Variants in EHBP1 observed in about 807,000 individuals in gnomAD.
EHBP1 encodes the protein EH domain binding protein 1.
In EHBP1, 55 loss-of-function variants were observed where a neutral mutation model predicts 144.0. That is an observed-to-expected ratio of 0.38 (90% CI 0.31 to 0.48). The LOEUF is 0.48. Among genes scored for constraint, EHBP1 ranks in the 20% least tolerant of loss-of-function variants. EHBP1 has a pLI of 0.98. For missense variants in EHBP1, 1,200 were observed against 1,364.2 expected (o/e 0.88, Z 1.90); for synonymous variants, 469 against 472.7 (o/e 0.99, Z 0.10).
intron 5 of EHBP1, among the ~76,000 whole-genome samples, chr2:62,794,351 A>C (rs1443024486): frequency 6.6e-6 from 1 of 152,080 alleles, no homozygotes; most frequent in Non-Finnish European, 1.5e-5. Context: ...TAGCTTGATA[A>C]ATAGTTTTAT....
chr2:62,953,892 C>A (rs1343031511), intron 13 of EHBP1, among the ~76,000 whole-genome samples: 1 of 151,968 alleles, frequency 6.6e-6, no homozygotes, highest in African/African-American at 2.4e-5. Flanking sequence ...GTTGGAATTA[C>A]CAAAAGACTA....
intron 2 of EHBP1, among the ~76,000 whole-genome samples, chr2:62,721,140 T>G (rs137932950): frequency 1.3e-5 from 2 of 152,314 alleles, no homozygotes; most frequent in African/African-American, 4.8e-5. Flanking sequence ...CTGTAATAGT[T>G]TTTAGTCTTT....
chr2:62,876,516 C>T (rs2152853304), intron 10 of EHBP1, among the ~76,000 whole-genome samples: 1 of 152,254 alleles, frequency 6.6e-6, no homozygotes, highest in Middle Eastern at 3.4e-3. Flanking sequence ...TTATTGGCCA[C>T]CACAAAAACA....
chr2:63,026,294 TTGTGTGTGTGTGTGTGTGTG>T (rs60109170), intron 19 of EHBP1, among the ~76,000 whole-genome samples: 12 of 129,102 alleles, frequency 9.3e-5, no homozygotes, highest in African/African-American at 2.9e-4. Context: ...GCTCTCTACC[TTGTGTGTGTGTGTGTGTGTG>T]TGTGTGTGTG....
At chr2:62,738,119 C>G (rs951622671) in intron 2 of EHBP1, among the ~76,000 whole-genome samples, 3 of 151,946 alleles carry the variant, frequency 2.0e-5, no homozygotes, top group Non-Finnish European at 2.9e-5. Context: ...TTTTATTGTT[C>G]AGCAACATAC....
At chr2:62,787,109 TG>T (rs1194957636) in intron 5 of EHBP1, among the ~76,000 whole-genome samples, 1 of 152,212 alleles carries the variant, frequency 6.6e-6, no homozygotes, top group African/African-American at 2.4e-5. Flanking sequence ...TCTTTAAGTA[TG>T]TGCACTATTA....
chr2:62,775,831 T>C (rs2042018362), intron 5 of EHBP1, among the ~76,000 whole-genome samples: 1 of 152,186 alleles, frequency 6.6e-6, no homozygotes, highest in African/African-American at 2.4e-5. Flanking sequence ...GTTATATAGC[T>C]AACAGGTTGG....
intron 7 of EHBP1, among the ~76,000 whole-genome samples, chr2:62,853,243 G>A (rs1363042310): frequency 6.6e-6 from 1 of 152,110 alleles, no homozygotes; most frequent in African/African-American, 2.4e-5. Flanking sequence ...TGATTTCCCA[G>A]TATATATAAA....
intron 10 of EHBP1, among the ~76,000 whole-genome samples, chr2:62,929,143 C>T (rs2055772892): frequency 6.6e-6 from 1 of 152,170 alleles, no homozygotes; most frequent in Non-Finnish European, 1.5e-5. Context: ...CACCAGTGAA[C>T]TCTATCAAAC....
chr2:62,792,604 G>T (rs1317923900), intron 5 of EHBP1, among the ~76,000 whole-genome samples: 1 of 151,928 alleles, frequency 6.6e-6, no homozygotes, highest in Non-Finnish European at 1.5e-5. Context: ...ACCTTACTCA[G>T]CTATTTAATT....
intron 5 of EHBP1, among the ~76,000 whole-genome samples, chr2:62,795,540 T>C (rs568654075): frequency 6.6e-6 from 1 of 152,172 alleles, no homozygotes; most frequent in Admixed American, 6.5e-5. Context: ...ATAGTTCCAC[T>C]GTACCCACCA....
intron 13 of EHBP1, among the ~76,000 whole-genome samples, chr2:62,955,288 A>G (rs568454469): frequency 6.6e-6 from 1 of 152,296 alleles, no homozygotes; most frequent in East Asian, 1.9e-4. Flanking sequence ...ATTATAATTA[A>G]ATTTAATCCA....
rs372649844 is a variant in EHBP1 at position 63,037,611 on chromosome 2, G to A, written c.3180G>A (p.Arg1060=). ...MLVNKKNALI[R]RMNQLSLLEK... Reference sequence around the variant, plus strand: ...TTAATAAGAAAAATGCCTTAATAAGGAGAATGAATCAGCTCTCTCTTCTGT... The same window carrying A: ...TTAATAAGAAAAATGCCTTAATAAGAAGAATGAATCAGCTCTCTCTTCTGT... Residue 1060 remains arginine, a synonymous_variant, in exon 20 of 23, where the codon AGG becomes AGA. Transcript: ENST00000431489. The A allele has an allele frequency of 2.6e-5, 41 of 1,600,400 alleles. No individual in the cohort carries two copies. The highest frequency in any genetic ancestry group is 2.6e-5 in the Non-Finnish European group (31 of 1,171,392).
At position 62,784,089 on chromosome 2, in the gene EHBP1, C is replaced by T. The variant is rs1439280086; in HGVS notation, c.312+12697C>T. ...TAACTTTGAAGAATTTCCCCTTTAC[C>T]CTTAAAATTAGGAAAAATTTAGAAA... On this transcript the variant is annotated intron_variant, in intron 5 of 22. Coordinates refer to ENST00000431489, the MANE Select transcript of EHBP1 (RefSeq NM_001142616.3). Among the ~76,000 whole-genome samples, 3 of 152,042 alleles carry T rather than the reference C, an allele frequency of 2.0e-5. No individual in the cohort carries two copies. In the East Asian group the frequency reaches 5.8e-4, roughly 29 times the overall value.
intron 10 of EHBP1, among the ~76,000 whole-genome samples, chr2:62,928,001 A>G (rs2055667503): frequency 6.6e-6 from 1 of 152,220 alleles, no homozygotes; most frequent in Non-Finnish European, 1.5e-5. Flanking sequence ...GTAAATAAAC[A>G]ATGGATCAAA....
intron 19 of EHBP1, among the ~76,000 whole-genome samples, chr2:63,026,381 A>C (rs1219485797): frequency 6.6e-6 from 1 of 151,424 alleles, no homozygotes; most frequent in African/African-American, 2.4e-5. Flanking sequence ...GAAAGAAACA[A>C]TAATAGCAAT....
chr2:62,996,883 A>G, intron 19 of EHBP1, 117 bp downstream of exon 19: 1 of 1,455,980 alleles, frequency 6.9e-7, no homozygotes, highest in Non-Finnish European at 9.3e-7. Flanking sequence ...CTGCCTTGAA[A>G]ATAAAAAGGC....
intron 10 of EHBP1, among the ~76,000 whole-genome samples, chr2:62,904,684 T>G (rs1432013213): frequency 6.6e-6 from 1 of 152,186 alleles, no homozygotes; most frequent in East Asian, 1.9e-4. Context: ...TAACTCAAGT[T>G]ATATCTCACT....
chr2:62,763,041 C>T (rs2040884017), intron 3 of EHBP1, among the ~76,000 whole-genome samples: 1 of 152,144 alleles, frequency 6.6e-6, no homozygotes, highest in Non-Finnish European at 1.5e-5. Context: ...ATAAGAGCCT[C>T]AGCACCTTTC....
Sources: gnomAD v4.1 joint callset for allele counts (sites outside exome capture counted in the v4.1 genomes callset) on GRCh38, gnomAD v4.1.1 for gene constraint, MANE v1.5 for transcripts, NCBI Gene and HGNC (gene_info 2026-07-23, HGNC 2026-07-21) for gene names.